CD247: variants seen among roughly 807,000 people sequenced by gnomAD.
CD247 encodes the protein CD247 molecule.
A neutral mutation model predicts 30.0 loss-of-function variants in CD247; 13 were observed. That is an observed-to-expected ratio of 0.43 (90% CI 0.28 to 0.69). The LOEUF is 0.69. Ranked by LOEUF, CD247 falls within the 30% of genes least tolerant of loss-of-function variation. The pLI, the probability that CD247 is intolerant of heterozygous loss-of-function variation, is 0.16. For synonymous variants in CD247, 72 were observed against 80.0 expected, an observed-to-expected ratio of 0.90 and a Z score of 0.53; for missense variants, 193 against 212.6, an observed-to-expected ratio of 0.91 and a Z score of 0.57.
chr1:167,456,716 C>T (rs1409032131), intron 1 of CD247, among the ~76,000 whole-genome samples: 1 of 152,218 alleles, frequency 6.6e-6, no homozygotes, highest in Non-Finnish European at 1.5e-5. Context: ...CCTACCTGAG[C>T]ATTTGCAGAA....
chr1:167,481,627 A>C (rs12130552), intron 1 of CD247, among the ~76,000 whole-genome samples: 17,967 of 152,244 alleles, frequency 0.12, 1,392 homozygotes, highest in Admixed American at 0.25. Context: ...TCTTGAGGAC[A>C]GATGCAGTAA....
At chr1:167,512,773 C>T (rs1485057584) in intron 1 of CD247, among the ~76,000 whole-genome samples, 1 of 152,202 alleles carries the variant, frequency 6.6e-6, no homozygotes, top group Admixed American at 6.5e-5. Flanking sequence ...GCACCATTGC[C>T]GCCATCTCAC....
In CD247 at chr1:167,518,415, C is replaced by T. The variant is rs372604170; in HGVS notation, c.51G>A (p.Pro17=). ...FTAAILQAQL[P]ITEAQSFGLL... ...TCGACACGTCGGCCCTACCTGTAAT[C>T]GGCAACTGTGCCTGCAGGATGGCCG... The change falls in exon 1 of 8, where the codon CCG becomes CCA. Residue 17 remains proline, a synonymous_variant. Transcript: ENST00000362089. The T allele has an allele frequency of 2.1e-5, 34 of 1,614,034 alleles. No homozygotes were observed. The Admixed American group carries it at 2.3e-4, about 11-fold the overall frequency.
At chr1:167,482,659 C>T (rs925866845) in intron 1 of CD247, among the ~76,000 whole-genome samples, 6 of 152,192 alleles carry the variant, frequency 3.9e-5, no homozygotes, top group African/African-American at 1.2e-4. Flanking sequence ...GCTGGGACCT[C>T]GGGCCTCCAG....
intron 1 of CD247, among the ~76,000 whole-genome samples, chr1:167,477,361 A>G (rs1483165227): frequency 1.3e-5 from 2 of 152,216 alleles, no homozygotes; most frequent in Non-Finnish European, 2.9e-5. Context: ...CAGAAGAAAG[A>G]CAAACAAAGC....
intron 1 of CD247, among the ~76,000 whole-genome samples, chr1:167,449,155 T>TC (rs1558000501): frequency 8.3e-4 from 51 of 61,590 alleles, no homozygotes; most frequent in African/African-American, 3.6e-3. Flanking sequence ...TTTTCTTTTT[T>TC]TTTTTTTTTT....
At chr1:167,467,083 C>T (rs4657661) in intron 1 of CD247, among the ~76,000 whole-genome samples, 89,299 of 152,042 alleles carry the variant, frequency 0.59, 26,411 homozygotes, top group East Asian at 0.69. Context: ...CGTGATCCGC[C>T]CGCCTTGGCC....
chr1:167,492,328 C>T (rs58913971), intron 1 of CD247, among the ~76,000 whole-genome samples: 6,284 of 152,138 alleles, frequency 0.041, 151 homozygotes, highest in Middle Eastern at 0.078. Flanking sequence ...CCTGTTTCAC[C>T]GACAGAAAGG....
rs973299997 is a variant in CD247 at position 167,431,601 on chromosome 1, G to A, written c.*80C>T. 1.7e-5 allele frequency: 20 copies of A among 1,151,096 alleles called. No individual in the cohort carries two copies. The highest frequency in any genetic ancestry group is 3.0e-5 in the African/African-American group (2 of 66,076). 71.3% of individuals were successfully genotyped at this position (1,151,096 alleles called of 1,614,324 possible). On this transcript the variant is annotated 3_prime_UTR_variant, in exon 8 of 8. Coordinates refer to ENST00000362089, the MANE Select transcript of CD247 (RefSeq NM_198053.3). The stretch of plus-strand genomic sequence containing the variant: ...CTTCAGTGGCTGAGAAGAGTGAACC[G>A]GGTTGTAAATGCTTCATCCTGTGTC...
At chr1:167,515,111 T>C (rs1655546152) in intron 1 of CD247, among the ~76,000 whole-genome samples, 1 of 152,108 alleles carries the variant, frequency 6.6e-6, no homozygotes, top group South Asian at 2.1e-4. Flanking sequence ...ATGAAATAGC[T>C]CATTTGGATG....
At chr1:167,504,889 G>A (rs768784991) in intron 1 of CD247, among the ~76,000 whole-genome samples, 1 of 152,126 alleles carries the variant, frequency 6.6e-6, no homozygotes, top group African/African-American at 2.4e-5. Context: ...ATCTGGGCAC[G>A]TCTCTATTTT....
At chr1:167,455,714 A>G (rs1652619809) in intron 1 of CD247, among the ~76,000 whole-genome samples, 1 of 151,798 alleles carries the variant, frequency 6.6e-6, no homozygotes, top group South Asian at 2.1e-4. Context: ...ACCCGCCCCC[A>G]GGCCCCCGCG....
intron 1 of CD247, among the ~76,000 whole-genome samples, chr1:167,517,827 G>A (rs1348372446): frequency 6.6e-6 from 1 of 152,196 alleles, no homozygotes; most frequent in Non-Finnish European, 1.5e-5. Flanking sequence ...CGAAGGCGCT[G>A]TGGAGGCTGC....
At chr1:167,478,299 C>T (rs1433745289) in intron 1 of CD247, among the ~76,000 whole-genome samples, 2 of 152,208 alleles carry the variant, frequency 1.3e-5, no homozygotes, top group Admixed American at 1.3e-4. Flanking sequence ...TCTAGCTACG[C>T]AGTTAATGGG....
At chr1:167,431,799 C>T in intron 7 of CD247, 53 bp from the exon 8 acceptor site, 2 of 1,514,524 alleles carry the variant, frequency 1.3e-6, no homozygotes, top group Non-Finnish European at 1.8e-6. Flanking sequence ...CCTGTGTGGG[C>T]AGGAGCCAAC....
chr1:167,443,615 C>T (rs1557997665), intron 1 of CD247, among the ~76,000 whole-genome samples: 1 of 152,154 alleles, frequency 6.6e-6, no homozygotes, highest in Non-Finnish European at 1.5e-5. Flanking sequence ...GTAAATTTAG[C>T]ACAAATAAGA....
At chr1:167,445,959 G>A (rs1196917296) in intron 1 of CD247, among the ~76,000 whole-genome samples, 1 of 152,150 alleles carries the variant, frequency 6.6e-6, no homozygotes, top group Admixed American at 6.5e-5. Flanking sequence ...ATTCTTATGA[G>A]TGCCAGGAGA....
intron 1 of CD247, among the ~76,000 whole-genome samples, chr1:167,460,868 A>T (rs902925783): frequency 6.6e-6 from 1 of 152,058 alleles, no homozygotes; most frequent in African/African-American, 2.4e-5. Flanking sequence ...CACCAGGGGG[A>T]CAGGGCACAC....
In CD247 at chr1:167,494,745, T is replaced by A. The variant is rs1463564119; in HGVS notation, c.58+23663A>T. Among the ~76,000 whole-genome samples, 2 of 152,182 alleles carry A rather than the reference T, an allele frequency of 1.3e-5. No homozygotes were observed. The highest frequency in any genetic ancestry group is 1.3e-4 in the Admixed American group (2 of 15,288). On this transcript the variant is annotated intron_variant, in intron 1 of 7. Transcript: ENST00000362089. The surrounding 1 kb of genome is among the most constrained non-coding windows in gnomAD (Gnocchi z 7.3). ...ATCTCCTATAATTCCTGGATACAGA[T>A]AAATGTTTATTAAAGAATGTGAAGG...
Sources: allele counts gnomAD v4.1 joint callset (sites outside exome capture counted in the v4.1 genomes callset), GRCh38; gene constraint gnomAD v4.1.1; non-coding constraint Gnocchi (gnomAD v3.1); transcripts MANE v1.5; gene names NCBI Gene and HGNC (gene_info 2026-07-23, HGNC 2026-07-21).